Variants in KMT5B observed in about 807,000 individuals in gnomAD.
The protein encoded by KMT5B is histone-lysine N-methyltransferase KMT5B.
Under a neutral mutation model 83.2 loss-of-function variants are expected in KMT5B, and 10 were observed. The observed-to-expected ratio is 0.12, with a 90% CI of 0.07 to 0.20. The LOEUF (loss-of-function observed/expected upper bound fraction) is 0.20, where lower values mean the gene tolerates loss of function less well. KMT5B is among the 10% of genes least tolerant of loss of function. KMT5B has a pLI of 1.00. For missense variants in KMT5B, 753 were observed against 1,067.2 expected (o/e 0.71, Z 4.10); for synonymous variants, 349 against 388.8 (o/e 0.90, Z 1.20).
At chr11:68,201,677 A>G (rs1859458369) in intron 1 of KMT5B, among the ~76,000 whole-genome samples, 1 of 152,170 alleles carries the variant, frequency 6.6e-6, no homozygotes, top group South Asian at 2.1e-4. Flanking sequence ...CCCTCTAGCC[A>G]GTTGACATGC....
chr11:68,170,987 A>T, intron 9 of KMT5B, 28 bp downstream of exon 9: 1 of 1,562,714 alleles, frequency 6.4e-7, no homozygotes. Flanking sequence ...AAAAATGTTT[A>T]GGCTGAACAT....
chr11:68,187,142 A>G (rs1319607198), intron 2 of KMT5B, among the ~76,000 whole-genome samples: 1 of 151,846 alleles, frequency 6.6e-6, no homozygotes, highest in African/African-American at 2.4e-5. Context: ...GACCACAGGC[A>G]TGCATCATCA....
chr11:68,203,777 A>G (rs1225012232), intron 1 of KMT5B, among the ~76,000 whole-genome samples: 1 of 152,170 alleles, frequency 6.6e-6, no homozygotes, highest in Non-Finnish European at 1.5e-5. Flanking sequence ...GAAAAGAGAA[A>G]GGCCTCAGGG....
intron 1 of KMT5B, among the ~76,000 whole-genome samples, chr11:68,199,401 G>A (rs1003583434): frequency 3.3e-5 from 5 of 152,176 alleles, no homozygotes; most frequent in African/African-American, 1.2e-4. Context: ...GGACAGCCAG[G>A]CATCAGGCAA....
intron 10 of KMT5B, among the ~76,000 whole-genome samples, chr11:68,162,890 G>A (rs930998293): frequency 2.0e-5 from 3 of 152,202 alleles, no homozygotes; most frequent in Admixed American, 2.0e-4. Flanking sequence ...AAGAATTTGA[G>A]AAATGTGACA....
chr11:68,177,421 G>A (rs770842702), intron 4 of KMT5B, among the ~76,000 whole-genome samples: 7 of 152,134 alleles, frequency 4.6e-5, no homozygotes, highest in South Asian at 4.1e-4. Context: ...GTTGACCAGG[G>A]TCAGCTAGGT....
chr11:68,168,671 A>G (rs1855551109), intron 9 of KMT5B, among the ~76,000 whole-genome samples: 1 of 152,202 alleles, frequency 6.6e-6, no homozygotes, highest in Non-Finnish European at 1.5e-5. Flanking sequence ...AATGTGCAGT[A>G]CTTATGAACA....
At chr11:68,175,449 A>C (rs376926189) in intron 4 of KMT5B, among the ~76,000 whole-genome samples, 1 of 151,842 alleles carries the variant, frequency 6.6e-6, no homozygotes, top group Non-Finnish European at 1.5e-5. Flanking sequence ...TCTTTTTTCA[A>C]TCTGTTATTT....
At chr11:68,159,722 A>T (rs907045214) in intron 10 of KMT5B, among the ~76,000 whole-genome samples, 1 of 152,244 alleles carries the variant, frequency 6.6e-6, no homozygotes, top group Non-Finnish European at 1.5e-5. Flanking sequence ...TAAGAACCAT[A>T]TATTATCACT....
chr11:68,208,990 G>T (rs780586720), intron 1 of KMT5B, among the ~76,000 whole-genome samples: 15 of 152,218 alleles, frequency 9.9e-5, no homozygotes, highest in Non-Finnish European at 1.8e-4. Flanking sequence ...GGGGGAAAGT[G>T]AAGGGGGGTT....
Position 68,173,886 on chromosome 11 carries a change from T to C in KMT5B, c.571A>G (p.Thr191Ala). 1.9e-6 allele frequency: 3 copies of C among 1,611,538 alleles called. No individual in the cohort carries two copies. Among genetic ancestry groups the C allele is most frequent in the Non-Finnish European group, 1.7e-6 (2 of 1,179,178 alleles). The change falls in exon 6 of 11, where the codon ACT (threonine) becomes GCT (alanine). Residue 191 changes from threonine to alanine, a missense_variant. By Grantham distance (58) the Thr-to-Ala change is moderately conservative. Coordinates refer to ENST00000304363, the MANE Select transcript of KMT5B (RefSeq NM_017635.5). ...HVFIYLRMFA[T>A]DSGFEILPCN... ...GGCAATATTTCAAATCCACTGTCAG[T>C]TGCAAACATTCGCAAATAAATAAAT...
chr11:68,180,880 G>A lies in KMT5B; in HGVS notation c.309-680C>T, dbSNP rs191077155. On this transcript the variant is annotated intron_variant, in intron 3 of 10. Transcript: ENST00000304363. The stretch of plus-strand genomic sequence containing the variant: ...AAAGAAAACTTTAGGTTTCATAATT[G>A]ACAAAAGTCAATTAAGTTCAAATTT... Among the ~76,000 whole-genome samples, 800 of 152,126 alleles carry A rather than the reference G, an allele frequency of 5.3e-3. 5 individuals are homozygous for A. Among genetic ancestry groups the A allele is most frequent in the African/African-American group, 0.019 (774 of 41,512 alleles).
In KMT5B at chr11:68,157,822, C is replaced by A. The variant is rs374854320; in HGVS notation, c.2524G>T (p.Asp842Tyr). 9.3e-6 allele frequency: 15 copies of A among 1,613,860 alleles called. No homozygotes were observed. The highest frequency in any genetic ancestry group is 1.2e-5 in the Non-Finnish European group (14 of 1,180,036). ...ATAAAATCGTCTTCAAAGTCATCAT[C>A]ATAGTCATCCTCCTCTTCATCGCCC... Reference protein sequence around the residue: ...SEGDEEEDDYDDDFEDDFIPL... With the variant: ...SEGDEEEDDYYDDFEDDFIPL... The change falls in exon 11 of 11, where the codon GAT becomes TAT. Residue 842 changes from aspartate (D) to tyrosine (Y), a missense_variant. This residue lies in a region of KMT5B where 161 missense variants were observed against 195.1 expected (regional missense o/e 0.83). Transcript: ENST00000304363.
intron 1 of KMT5B, among the ~76,000 whole-genome samples, chr11:68,192,134 G>C (rs1009024469): frequency 1.3e-5 from 2 of 152,162 alleles, no homozygotes; most frequent in Non-Finnish European, 2.9e-5. Flanking sequence ...TATGACAACT[G>C]CATGACAACA....
intron 10 of KMT5B, chr11:68,166,326 C>CCAT (rs1446776141): frequency 9.5e-7 from 1 of 1,051,122 alleles, no homozygotes; most frequent in African/African-American, 1.7e-5. Context: ...TTTTCAGTTT[C>CCAT]CATCAGATCT....
At chr11:68,184,568 A>G (rs946855329) in intron 3 of KMT5B, among the ~76,000 whole-genome samples, 2 of 152,212 alleles carry the variant, frequency 1.3e-5, no homozygotes, top group Non-Finnish European at 2.9e-5. Context: ...TACCTCTCCC[A>G]ACTACTGATC....
At chr11:68,185,709 T>G in intron 3 of KMT5B, 72 bp downstream of exon 3, 1 of 1,427,122 alleles carries the variant, frequency 7.0e-7, no homozygotes, top group Non-Finnish European at 9.4e-7. Context: ...TGAGCAAAAG[T>G]AAAATTAGCC....
In KMT5B at chr11:68,157,553, C is replaced by T. The variant is rs560821690; in HGVS notation, c.*135G>A. On this transcript the variant is annotated 3_prime_UTR_variant, in exon 11 of 11. Transcript: ENST00000304363. Reference sequence around the variant, plus strand: ...TTAAGAATTGAGTCAGTATGCTGTACACTTTCTACAATAGTATGCTGATAA... The same window carrying T: ...TTAAGAATTGAGTCAGTATGCTGTATACTTTCTACAATAGTATGCTGATAA... 2.3e-6 allele frequency: 3 copies of T among 1,300,832 alleles called. No individual in the cohort carries two copies. The highest frequency in any genetic ancestry group is 3.0e-6 in the Non-Finnish European group (3 of 998,812). 80.6% of individuals were successfully genotyped at this position (1,300,832 alleles called of 1,614,324 possible). A position where few individuals can be genotyped will look rare whatever the true frequency, so the allele number is the denominator to read the frequency against.
At chr11:68,170,968 T>C in intron 9 of KMT5B, 47 bp downstream of exon 9, 1 of 1,543,968 alleles carries the variant, frequency 6.5e-7, no homozygotes, top group Non-Finnish European at 8.7e-7. Context: ...CATAATCAGG[T>C]TGTTAACAAA....
Sources: gnomAD v4.1 joint callset for allele counts (sites outside exome capture counted in the v4.1 genomes callset) on GRCh38, gnomAD v4.1.1 for gene constraint, gnomAD v4.1.1 regional missense constraint, MANE v1.5 for transcripts, NCBI Gene and HGNC (gene_info 2026-07-23, HGNC 2026-07-21) for gene names.